Variants in KCNT2 observed in about 807,000 individuals in gnomAD.
KCNT2 encodes potassium sodium-activated channel subfamily T member 2.
In KCNT2, 67 loss-of-function variants were observed where a neutral mutation model predicts 153.8. The observed-to-expected ratio is 0.44, with a 90% CI of 0.36 to 0.53. The LOEUF (loss-of-function observed/expected upper bound fraction) is 0.53, where lower values mean the gene tolerates loss of function less well. Ranked by LOEUF, KCNT2 falls within the 20% of genes least tolerant of loss-of-function variation. The probability of loss-of-function intolerance (pLI) is 0.00; values close to 1 mark genes in which losing one functional copy is unlikely to be tolerated. For missense variants in KCNT2, 975 were observed against 1,354.8 expected (o/e 0.72, Z 4.40); for synonymous variants, 500 against 458.8 (o/e 1.09, Z -1.15).
chr1:196,313,333 A>G (rs1662375164), intron 21 of KCNT2, among the ~76,000 whole-genome samples: 1 of 151,660 alleles, frequency 6.6e-6, no homozygotes, highest in African/African-American at 2.4e-5. Flanking sequence ...TCATAGTTCA[A>G]GGTTTAGGCT....
At chr1:196,502,361 G>T (rs767144457) in intron 1 of KCNT2, among the ~76,000 whole-genome samples, 1 of 152,122 alleles carries the variant, frequency 6.6e-6, no homozygotes, top group Non-Finnish European at 1.5e-5. Flanking sequence ...ATGACATTTA[G>T]TAGCATTGTC....
intron 1 of KCNT2, among the ~76,000 whole-genome samples, chr1:196,501,782 A>T (rs1680719766): frequency 6.6e-6 from 1 of 152,174 alleles, no homozygotes; most frequent in Admixed American, 6.5e-5. Context: ...GAAGGCTTGT[A>T]AAAAATAAAC....
chr1:196,396,181 G>C (rs936275005), intron 13 of KCNT2, among the ~76,000 whole-genome samples: 9 of 151,604 alleles, frequency 5.9e-5, no homozygotes, highest in African/African-American at 2.2e-4. Context: ...TTCATCCTTA[G>C]AGAGGCTAAA....
At chr1:196,473,017 A>T (rs1266097325) in intron 5 of KCNT2, among the ~76,000 whole-genome samples, 1 of 152,192 alleles carries the variant, frequency 6.6e-6, no homozygotes, top group Non-Finnish European at 1.5e-5. Context: ...TCTCTTGTTG[A>T]CTTCTCCAAC....
chr1:196,358,285 T>A (rs780764074), intron 14 of KCNT2, among the ~76,000 whole-genome samples: 53 of 151,966 alleles, frequency 3.5e-4, no homozygotes, highest in Middle Eastern at 3.4e-3. Flanking sequence ...CAACAGGTCT[T>A]TCCTCTCCAT....
intron 22 of KCNT2, among the ~76,000 whole-genome samples, chr1:196,302,963 C>T (rs1363819852): frequency 2.0e-5 from 3 of 151,128 alleles, no homozygotes; most frequent in African/African-American, 7.3e-5. Context: ...TATTGAGTTT[C>T]TTTTTTCTTC....
intron 1 of KCNT2, among the ~76,000 whole-genome samples, chr1:196,597,591 G>T (rs1664241643): frequency 1.3e-5 from 2 of 152,052 alleles, no homozygotes; most frequent in African/African-American, 2.4e-5. Context: ...TGAGCCCCAA[G>T]GAAAGCTGTG....
intron 1 of KCNT2, among the ~76,000 whole-genome samples, chr1:196,511,435 C>A (rs945432229): frequency 6.6e-6 from 1 of 152,074 alleles, no homozygotes; most frequent in Non-Finnish European, 1.5e-5. Flanking sequence ...TAAGAAAATT[C>A]TTTCTTACAG....
At chr1:196,585,521 C>G (rs909053061) in intron 1 of KCNT2, among the ~76,000 whole-genome samples, 22 of 151,794 alleles carry the variant, frequency 1.4e-4, no homozygotes, top group African/African-American at 5.3e-4. Context: ...AATTCAATTG[C>G]CCAAATAAAT....
intron 2 of KCNT2, among the ~76,000 whole-genome samples, chr1:196,490,934 T>C (rs1679810293): frequency 1.3e-5 from 2 of 152,024 alleles, no homozygotes; most frequent in African/African-American, 4.8e-5. Flanking sequence ...AGTGTACTTG[T>C]GGTAACAGTT....
At chr1:196,282,402 T>C (rs1173705424) in intron 23 of KCNT2, 46 bp from the exon 24 acceptor site, 2 of 932,870 alleles carry the variant, frequency 2.1e-6, no homozygotes, top group Non-Finnish European at 3.5e-6. Flanking sequence ...TATTTATATA[T>C]AATGTGTATG....
intron 25 of KCNT2, among the ~76,000 whole-genome samples, chr1:196,263,842 A>C (rs1657262300): frequency 6.6e-6 from 1 of 152,108 alleles, no homozygotes; most frequent in Admixed American, 6.6e-5. Context: ...TCACTGTTAT[A>C]TTTCTGGTTA....
intron 22 of KCNT2, among the ~76,000 whole-genome samples, chr1:196,301,907 T>A (rs1333540364): frequency 1.3e-5 from 2 of 152,066 alleles, no homozygotes; most frequent in East Asian, 3.9e-4. Flanking sequence ...GCCTGGCTGA[T>A]TTTTGTATTA....
chr1:196,420,489 G>C (rs1673110145), intron 12 of KCNT2, among the ~76,000 whole-genome samples: 1 of 151,780 alleles, frequency 6.6e-6, no homozygotes, highest in African/African-American at 2.4e-5. Context: ...AAGAGGTTAG[G>C]AGTTGAGTGG....
chr1:196,561,802 A>G (rs73069750), intron 1 of KCNT2, among the ~76,000 whole-genome samples: 2,631 of 151,874 alleles, frequency 0.017, 76 homozygotes, highest in African/African-American at 0.059. Flanking sequence ...ACAAGAGATA[A>G]GATATTAATC....
At chr1:196,505,709 C>T (rs958602531) in intron 1 of KCNT2, among the ~76,000 whole-genome samples, 8 of 151,948 alleles carry the variant, frequency 5.3e-5, no homozygotes, top group African/African-American at 1.9e-4. Context: ...ATTCTTCCTA[C>T]CCATGAGCAT....
At chr1:196,292,811 C>CAAAAAAA (rs750026564) in intron 22 of KCNT2, among the ~76,000 whole-genome samples, 1 of 69,286 alleles carries the variant, frequency 1.4e-5, no homozygotes, top group Non-Finnish European at 2.7e-5. Flanking sequence ...GACTCTGTCT[C>CAAAAAAA]AAAAAAAAAA....
At chr1:196,270,269 G>A (rs1250794447) in intron 25 of KCNT2, among the ~76,000 whole-genome samples, 3 of 151,836 alleles carry the variant, frequency 2.0e-5, no homozygotes, top group Admixed American at 6.6e-5. Flanking sequence ...AATCAGCCTA[G>A]CCCAAATCAA....
rs192540471 is a variant in KCNT2, at chr1:196,416,783, T to C, written c.1185+6267A>G. ...ATCCTTTGTGTTACACATAATCCAATTATACTCTTAGTTATTTTTAAATGT... is the reference window on the plus strand; with the variant it reads ...ATCCTTTGTGTTACACATAATCCAACTATACTCTTAGTTATTTTTAAATGT... On this transcript the variant is annotated intron_variant, in intron 12 of 27. Coordinates refer to ENST00000294725, the MANE Select transcript of KCNT2 (RefSeq NM_198503.5). 3.2e-3 allele frequency among the ~76,000 whole-genome samples: 494 copies of C among 152,240 alleles called. 1 individual carries two copies. The highest frequency in any genetic ancestry group is 6.9e-3 in the Admixed American group (106 of 15,282).
Sources: gnomAD v4.1 joint callset for allele counts (sites outside exome capture counted in the v4.1 genomes callset) on GRCh38, gnomAD v4.1.1 for gene constraint, MANE v1.5 for transcripts, NCBI Gene and HGNC (gene_info 2026-07-23, HGNC 2026-07-21) for gene names.